The following CTBP2 variants were observed in gnomAD, a reference collection of about 807,000 sequenced individuals.
The protein encoded by CTBP2 is C-terminal-binding protein 2.
A neutral mutation model predicts 80.3 loss-of-function variants in CTBP2; 30 were observed. The observed-to-expected ratio is 0.37, with a 90% CI of 0.28 to 0.51. CTBP2 has a LOEUF of 0.51. Ranked by LOEUF, CTBP2 falls within the 20% of genes least tolerant of loss-of-function variation. The probability of loss-of-function intolerance (pLI) is 0.93; values close to 1 mark genes in which losing one functional copy is unlikely to be tolerated. For missense variants in CTBP2, 1,212 were observed against 1,375.3 expected, an observed-to-expected ratio of 0.88 and a Z score of 1.88; for synonymous variants, 594 against 587.4, an observed-to-expected ratio of 1.01 and a Z score of -0.16.
intron 1 of CTBP2, among the ~76,000 whole-genome samples, chr10:125,018,279 C>CG (rs1224560450): frequency 6.6e-6 from 1 of 152,218 alleles, no homozygotes; most frequent in African/African-American, 2.4e-5. Context: ...AATCCCAACA[C>CG]TTTGGGAGGC....
intron 2 of CTBP2, among the ~76,000 whole-genome samples, chr10:125,087,150 C>G (rs1357464128): frequency 6.6e-6 from 1 of 151,398 alleles, no homozygotes; most frequent in Admixed American, 6.6e-5. Context: ...TCTCAGCTCC[C>G]TGCAACTTCC....
At chr10:125,006,582 A>G (rs1955270744) in intron 1 of CTBP2, among the ~76,000 whole-genome samples, 1 of 152,230 alleles carries the variant, frequency 6.6e-6, no homozygotes. Context: ...TTTCTGGAAG[A>G]GCTCATATGG....
At chr10:125,118,320 G>C (rs1402550369) in intron 1 of CTBP2, among the ~76,000 whole-genome samples, 1 of 152,208 alleles carries the variant, frequency 6.6e-6, no homozygotes, top group East Asian at 1.9e-4. Context: ...ATCCGAAGTG[G>C]CTCCAGGACG....
intron 2 of CTBP2, among the ~76,000 whole-genome samples, chr10:125,056,659 C>T (rs142259601): frequency 4.6e-5 from 7 of 152,376 alleles, no homozygotes; most frequent in East Asian, 1.9e-4. Flanking sequence ...AAATGACCAA[C>T]GCCATCCTCC....
At chr10:124,999,752 G>A (rs952767926) in intron 3 of CTBP2, 2 of 152,294 alleles carry the variant, frequency 1.3e-5, no homozygotes, top group Non-Finnish European at 2.9e-5. Flanking sequence ...GCTCAGCAGA[G>A]AAGCTGGGGC....
intron 1 of CTBP2, 143 bp from the exon 2 acceptor site, chr10:125,111,236 C>T (rs1199786031): frequency 6.6e-6 from 1 of 152,040 alleles, no homozygotes; most frequent in Non-Finnish European, 1.5e-5. Context: ...ATTAAAAATA[C>T]TATTTGTCTT....
intron 1 of CTBP2, among the ~76,000 whole-genome samples, chr10:125,019,276 C>T (rs1458377680): frequency 1.1e-4 from 16 of 152,286 alleles, no homozygotes; most frequent in East Asian, 1.9e-4. Flanking sequence ...GTTTCTACAT[C>T]GCTAACGTGG....
intron 1 of CTBP2, among the ~76,000 whole-genome samples, chr10:125,154,154 A>G (rs1273217620): frequency 6.6e-6 from 1 of 152,352 alleles, no homozygotes; most frequent in East Asian, 1.9e-4. Flanking sequence ...CTTTGGAGGA[A>G]GCACAAATCA....
intron 4 of CTBP2, 50 bp downstream of exon 6, chr10:124,997,914 C>T (rs1953855243): frequency 2.6e-6 from 4 of 1,568,246 alleles, no homozygotes; most frequent in South Asian, 2.3e-5. Context: ...CCCACTACAC[C>T]AGCCCCAGTG....
At position 125,027,341 on chromosome 10, in the gene CTBP2, C is replaced by A; in HGVS notation, c.419G>T (p.Gly140Val). The A allele has an allele frequency of 6.2e-7, 1 of 1,613,730 alleles. No individual in the cohort carries two copies. Among genetic ancestry groups the A allele is most frequent in the Admixed American group, 1.7e-5 (1 of 60,028 alleles). ...CCATGACGTTCTGCTGCCAAGCACTCCGTAGCTGGGGACCGGCCGGCTGAC... is the reference window on the plus strand; with the variant it reads ...CCATGACGTTCTGCTGCCAAGCACTACGTAGCTGGGGACCGGCCGGCTGAC... Residue 140 changes from glycine (G) to valine (V), a missense_variant, in exon 1 of 9, where the codon GGA becomes GTA. Transcript: ENST00000309035.
intron 2 of CTBP2, among the ~76,000 whole-genome samples, chr10:125,106,190 G>T (rs1049248963): frequency 2.6e-5 from 4 of 152,132 alleles, no homozygotes; most frequent in African/African-American, 9.7e-5. Context: ...ACTCTCAGCG[G>T]AAAGATGCAC....
intron 1 of CTBP2, among the ~76,000 whole-genome samples, chr10:125,149,669 G>A (rs1312503917): frequency 1.3e-5 from 2 of 152,198 alleles, no homozygotes; most frequent in Non-Finnish European, 2.9e-5. Context: ...ACAAAAAGAA[G>A]AGAAGGGTTG....
intron 2 of CTBP2, among the ~76,000 whole-genome samples, chr10:125,085,442 G>C (rs1020168625): frequency 3.9e-5 from 6 of 152,186 alleles, no homozygotes; most frequent in Non-Finnish European, 5.9e-5. Flanking sequence ...ATATGGCAGG[G>C]GAGCCACCTC....
At chr10:125,032,009 G>A (rs539219862), upstream of CTBP2, among the ~76,000 whole-genome samples, 3 of 151,666 alleles carry the variant, frequency 2.0e-5, no homozygotes, top group East Asian at 5.8e-4. Flanking sequence ...AGCTTCCTGG[G>A]AACTGCATTA....
intron 1 of CTBP2, among the ~76,000 whole-genome samples, chr10:125,020,254 C>T (rs558626503): frequency 6.6e-6 from 1 of 152,216 alleles, no homozygotes; most frequent in Non-Finnish European, 1.5e-5. Context: ...TGGCCATGCA[C>T]AGAGTTCCAG....
At chr10:125,002,019 T>C (rs1954587975) in intron 3 of CTBP2, among the ~76,000 whole-genome samples, 1 of 152,150 alleles carries the variant, frequency 6.6e-6, no homozygotes, top group Non-Finnish European at 1.5e-5. Context: ...CGGGGCCCAC[T>C]GGGGCCTTAG....
Position 124,985,140 on chromosome 10 carries a change from C to T in CTBP2, c.*4378G>A, listed in dbSNP as rs1952004629. 1.6e-6 allele frequency: 1 copy of T among 612,486 alleles called. No individual in the cohort carries two copies. The highest frequency in any genetic ancestry group is 1.8e-5 in the African/African-American group (1 of 54,114). 37.9% of individuals were successfully genotyped at this position (612,486 alleles called of 1,614,324 possible). ...AAGTGTTTTCCTGGACCACACACAC[C>T]TTATGGAGATAATGCCTCTGCTGCG... On this transcript the variant is annotated 3_prime_UTR_variant, in exon 9 of 9. Transcript: ENST00000309035.
chr10:125,087,531 G>A (rs1302373012), intron 2 of CTBP2, among the ~76,000 whole-genome samples: 1 of 152,216 alleles, frequency 6.6e-6, no homozygotes, highest in Non-Finnish European at 1.5e-5. Flanking sequence ...GCAAAGGTCT[G>A]TCTTCCAAAG....
intron 1 of CTBP2, chr10:125,025,954 G>A: frequency 7.9e-7 from 1 of 1,269,904 alleles, no homozygotes; most frequent in Non-Finnish European, 1.1e-6. Flanking sequence ...CGTCCTTCTT[G>A]TTTGGTGGTG....
Sources: gnomAD v4.1 joint callset for allele counts (sites outside exome capture counted in the v4.1 genomes callset) on GRCh38, gnomAD v4.1.1 for gene constraint, MANE v1.5 for transcripts, NCBI Gene and HGNC (gene_info 2026-07-23, HGNC 2026-07-21) for gene names.